Variants in CSMD3 observed in about 807,000 individuals in gnomAD.
CSMD3 encodes the protein CUB and Sushi multiple domains 3.
A neutral mutation model predicts 435.2 loss-of-function variants in CSMD3; 177 were observed. That is an observed-to-expected ratio of 0.41 (90% confidence interval 0.36 to 0.46). The LOEUF (loss-of-function observed/expected upper bound fraction) is 0.46. Ranked by LOEUF, CSMD3 falls within the 20% of genes least tolerant of loss-of-function variation. The pLI, the probability that CSMD3 is intolerant of heterozygous loss-of-function variation, is 0.34. For missense variants in CSMD3, 4,265 were observed against 4,504.6 expected (o/e 0.95, Z 1.52); for synonymous variants, 1,656 against 1,520.5 (o/e 1.09, Z -2.07).
At chr8:112,313,649 T>C (rs879714232) in intron 49 of CSMD3, among the ~76,000 whole-genome samples, 5 of 152,118 alleles carry the variant, frequency 3.3e-5, no homozygotes, top group East Asian at 3.8e-4. Context: ...TTAGGACATA[T>C]AGGATAATTT....
rs76929983 is a variant in CSMD3 at position 112,388,788 on chromosome 8, G to C, written c.5934+1876C>G. Reference sequence around the variant, plus strand: ...ATTATCTATTATGATTTACGTCCTCGACATCTCTAACACATAAAAGTAGCT... The same window carrying C: ...ATTATCTATTATGATTTACGTCCTCCACATCTCTAACACATAAAAGTAGCT... On this transcript the variant is annotated intron_variant, in intron 36 of 70. Transcript: ENST00000297405. Among the ~76,000 whole-genome samples the C allele has an allele frequency of 3.9e-5, 6 of 152,152 alleles. No individual in the cohort carries two copies. In the East Asian group the frequency reaches 1.2e-3, roughly 29 times the overall value.
At position 112,223,821 on chromosome 8, in the gene CSMD3, T is replaced by A. The variant is rs2129740856; in HGVS notation, c.*950A>T. On this transcript the variant is annotated 3_prime_UTR_variant, in exon 71 of 71. Coordinates refer to ENST00000297405, the MANE Select transcript of CSMD3 (RefSeq NM_198123.2). ...AAATGTAGATATAAATAGAGTAGAT[T>A]ATTAGGACATTTTATTTGGTCGATC... The A allele has an allele frequency of 6.6e-6, 1 of 152,210 alleles. No homozygotes were observed. The highest frequency in any genetic ancestry group is 1.5e-5 in the Non-Finnish European group (1 of 67,978). The allele number at this position is 152,210 out of a possible 1,614,324, so 9.4% of individuals were successfully genotyped here.
At chr8:113,368,413 G>A (rs1393148528) in intron 1 of CSMD3, among the ~76,000 whole-genome samples, 1 of 152,052 alleles carries the variant, frequency 6.6e-6, no homozygotes, top group Non-Finnish European at 1.5e-5. Flanking sequence ...TTTACACTTA[G>A]CAACACTTAA....
intron 1 of CSMD3, among the ~76,000 whole-genome samples, chr8:113,433,740 C>A (rs1486266417): frequency 1.3e-5 from 2 of 152,176 alleles, no homozygotes; most frequent in Non-Finnish European, 2.9e-5. Flanking sequence ...GGAAAACATC[C>A]CATGGATGTC....
At chr8:112,566,028 TTC>T (rs1316397319) in intron 24 of CSMD3, among the ~76,000 whole-genome samples, 5 of 148,352 alleles carry the variant, frequency 3.4e-5, no homozygotes, top group Admixed American at 2.1e-4. Context: ...CTAACATTAT[TTC>T]TCTCTCTCTC....
At chr8:112,950,540 A>G (rs1259174616) in intron 8 of CSMD3, among the ~76,000 whole-genome samples, 1 of 152,058 alleles carries the variant, frequency 6.6e-6, no homozygotes, top group African/African-American at 2.4e-5. Context: ...TATTTTATAT[A>G]AATTTAAATG....
rs3047126 is a variant in CSMD3, at chr8:112,827,164, AATATATATATAT to A, written c.1859+2510_1859+2521del. ...TTCTGTATTTTACTAGGTTACCATA[AATATATATATAT>A]ATATATATATATATATATATATATA... is the stretch of plus-strand genomic sequence containing the variant. On this transcript the variant is annotated intron_variant, in intron 12 of 70. Transcript: ENST00000297405. 5.3e-3 allele frequency among the ~76,000 whole-genome samples: 439 copies of A among 82,844 alleles called. 11 individuals are homozygous for A. Among genetic ancestry groups the A allele is most frequent in the African/African-American group, 0.019 (402 of 21,460 alleles). The allele number at this position is 82,844 out of a possible 152,430, so 54.3% of individuals were successfully genotyped here.
intron 27 of CSMD3, among the ~76,000 whole-genome samples, chr8:112,525,756 A>G (rs1292918978): frequency 1.4e-5 from 2 of 141,690 alleles, no homozygotes; most frequent in African/African-American, 5.2e-5. Context: ...ATATACATAT[A>G]TATATATATA....
At chr8:113,143,385 G>T (rs1323357148) in intron 4 of CSMD3, among the ~76,000 whole-genome samples, 1 of 151,366 alleles carries the variant, frequency 6.6e-6, no homozygotes, top group East Asian at 1.9e-4. Flanking sequence ...ACAGAAAATG[G>T]TACAGGCACT....
intron 12 of CSMD3, among the ~76,000 whole-genome samples, chr8:112,806,147 C>T (rs369521291): frequency 1.9e-4 from 29 of 151,748 alleles, no homozygotes; most frequent in African/African-American, 7.0e-4. Flanking sequence ...GTGGCCAAAA[C>T]TCTAATGAAA....
chr8:113,424,187 G>A (rs2094623002), intron 1 of CSMD3, among the ~76,000 whole-genome samples: 1 of 151,632 alleles, frequency 6.6e-6, no homozygotes, highest in Non-Finnish European at 1.5e-5. Flanking sequence ...TGAAATACGT[G>A]ATGATATTTG....
intron 22 of CSMD3, among the ~76,000 whole-genome samples, chr8:112,603,881 G>C (rs1832580583): frequency 6.6e-6 from 1 of 152,048 alleles, no homozygotes; most frequent in Non-Finnish European, 1.5e-5. Flanking sequence ...AATATATTAG[G>C]TAAGTTAAGG....
intron 3 of CSMD3, among the ~76,000 whole-genome samples, chr8:113,231,633 C>T (rs1211614328): frequency 1.3e-5 from 2 of 151,388 alleles, no homozygotes; most frequent in Non-Finnish European, 3.0e-5. Flanking sequence ...TACTGATAAT[C>T]TAAGTCCTAG....
chr8:113,017,393 A>G (rs16884283), intron 6 of CSMD3, among the ~76,000 whole-genome samples: 2,164 of 152,102 alleles, frequency 0.014, 57 homozygotes, highest in African/African-American at 0.05. Flanking sequence ...CCATGAAATC[A>G]TATTGCACAA....
intron 9 of CSMD3, among the ~76,000 whole-genome samples, chr8:112,923,335 A>G (rs1355862000): frequency 1.3e-5 from 2 of 152,110 alleles, no homozygotes; most frequent in African/African-American, 4.8e-5. Flanking sequence ...CACTCATACT[A>G]AAGAGATTGC....
chr8:112,903,149 G>A (rs1335924879), intron 10 of CSMD3, among the ~76,000 whole-genome samples: 1 of 73,892 alleles, frequency 1.4e-5, no homozygotes, highest in East Asian at 3.2e-4. Flanking sequence ...TGGCAGTCTT[G>A]GCAAAAAAAA....
chr8:113,288,300 T>G (rs1451499492), intron 2 of CSMD3, among the ~76,000 whole-genome samples: 4 of 151,852 alleles, frequency 2.6e-5, no homozygotes, highest in African/African-American at 9.7e-5. Context: ...AAATGGATAT[T>G]GATAAAAATG....
chr8:112,707,475 T>C (rs1020132501), intron 13 of CSMD3, among the ~76,000 whole-genome samples: 1 of 111,876 alleles, frequency 8.9e-6, no homozygotes, highest in Non-Finnish European at 1.8e-5. Context: ...GTAGTGGTGG[T>C]GGTGCGGCGG....
chr8:113,340,491 C>G (rs936201444), intron 1 of CSMD3, among the ~76,000 whole-genome samples: 1 of 152,066 alleles, frequency 6.6e-6, no homozygotes, highest in African/African-American at 2.4e-5. Context: ...AAAATTTCTT[C>G]CAGTATTTTA....
Sources: allele counts gnomAD v4.1 joint callset (sites outside exome capture counted in the v4.1 genomes callset), GRCh38; gene constraint gnomAD v4.1.1; transcripts MANE v1.5; gene names NCBI Gene and HGNC (gene_info 2026-07-23, HGNC 2026-07-21).